MINK1: variants seen among roughly 807,000 people sequenced by gnomAD.
MINK1 encodes the protein misshapen like kinase 1, also known as misshapen-like kinase 1.
In MINK1, 46 loss-of-function variants were observed where a neutral mutation model predicts 178.4. The ratio of observed to expected loss-of-function variants is 0.26; its 90% CI spans 0.20 to 0.33. The LOEUF (loss-of-function observed/expected upper bound fraction) is 0.33. MINK1 is among the 10% of genes least tolerant of loss of function. The pLI is 1.00. For missense variants in MINK1, 1,366 were observed against 1,814.9 expected (o/e 0.75, Z 4.49); for synonymous variants, 797 against 709.7 (o/e 1.12, Z -1.96).
intron 1 of MINK1, among the ~76,000 whole-genome samples, chr17:4,849,201 A>G (rs574699828): frequency 1.3e-5 from 2 of 152,154 alleles, no homozygotes; most frequent in South Asian, 4.1e-4. Context: ...AAAATCTTCT[A>G]TCTGAACACG....
intron 1 of MINK1, among the ~76,000 whole-genome samples, chr17:4,864,253 G>T (rs1478006797): frequency 1.3e-5 from 2 of 150,796 alleles, no homozygotes; most frequent in Non-Finnish European, 3.0e-5. Flanking sequence ...TACAAAATTA[G>T]CCAGGCGTGG....
At chr17:4,869,341 A>G (rs939910802) in intron 1 of MINK1, among the ~76,000 whole-genome samples, 6 of 151,782 alleles carry the variant, frequency 4.0e-5, no homozygotes, top group Middle Eastern at 3.2e-3. Context: ...CAATGGCACG[A>G]TCTCGGCTCA....
chr17:4,853,908 G>A (rs1164622080), intron 1 of MINK1, among the ~76,000 whole-genome samples: 1 of 152,120 alleles, frequency 6.6e-6, no homozygotes, highest in African/African-American at 2.4e-5. Flanking sequence ...TACTCCAGCT[G>A]GGGATAGGAG....
intron 1 of MINK1, among the ~76,000 whole-genome samples, chr17:4,841,290 T>C (rs1024389399): frequency 2.6e-5 from 4 of 152,194 alleles, no homozygotes; most frequent in Non-Finnish European, 5.9e-5. Flanking sequence ...TGATATTCTC[T>C]GGTCTTCTGA....
chr17:4,851,387 A>C (rs986088731), intron 1 of MINK1, among the ~76,000 whole-genome samples: 1 of 152,142 alleles, frequency 6.6e-6, no homozygotes, highest in African/African-American at 2.4e-5. Flanking sequence ...AGTAAACACT[A>C]AGCACCATCA....
rs745836107 is a variant in MINK1 at position 4,892,643 on chromosome 17, G to GC, written c.2199-6dup. ...ACCGTGCCTCCCTGACCCTGACTCTGCCCCCCCAACAGTAACCCCGACCTC... is the reference window on the plus strand; with the variant it reads ...ACCGTGCCTCCCTGACCCTGACTCTGCCCCCCCCAACAGTAACCCCGACCTC... On this transcript the variant is annotated splice_polypyrimidine_tract_variant and intron_variant, in intron 18 of 31. Coordinates refer to ENST00000355280, the MANE Select transcript of MINK1 (RefSeq NM_153827.5). 113 of 1,589,242 alleles carry GC rather than the reference G, an allele frequency of 7.1e-5. 1 individual carries two copies. Among genetic ancestry groups the GC allele is most frequent in the Non-Finnish European group, 8.4e-5 (98 of 1,165,608 alleles).
At position 4,893,456 on chromosome 17, in the gene MINK1, G is replaced by C; in HGVS notation, c.2423G>C (p.Arg808Pro). 6.3e-7 allele frequency: 1 copy of C among 1,593,598 alleles called. No homozygotes were observed. Among genetic ancestry groups the C allele is most frequent in the Non-Finnish European group, 8.6e-7 (1 of 1,163,904 alleles). Residue 808 changes from arginine (R) to proline (P), a missense_variant, in exon 21 of 32, where the codon CGG (arginine) becomes CCG (proline). Transcript: ENST00000355280. ...CAGGACTTTGTGTTGCTGAAAGAGC[G>C]GACTCTGGACGAGGCCCCTCGGCCT... is the stretch of plus-strand genomic sequence containing the variant. Reference protein sequence around the residue: ...RPADFVLLKERTLDEAPRPPK... With the variant: ...RPADFVLLKEPTLDEAPRPPK...
chr17:4,880,295 CTTTTCTTTTTTTT>C (rs1967575752), intron 2 of MINK1, among the ~76,000 whole-genome samples: 1 of 148,546 alleles, frequency 6.7e-6, no homozygotes, highest in Admixed American at 6.7e-5. Context: ...TGCTTTTTTT[CTTTTCTTTTTTTT>C]TTTTTTTGAG....
chr17:4,854,777 A>T, intron 1 of MINK1: 1 of 494,890 alleles, frequency 2.0e-6, no homozygotes, highest in Non-Finnish European at 4.0e-6. Flanking sequence ...ACAGAGGACA[A>T]GTACTTCACG....
At chr17:4,892,556 C>T (rs1392075129) in intron 18 of MINK1, 44 bp downstream of exon 18, 9 of 1,535,584 alleles carry the variant, frequency 5.9e-6, no homozygotes, top group East Asian at 2.3e-5. Context: ...CTCACTTCTG[C>T]CACCCGCTTC....
At position 4,893,616 on chromosome 17, in the gene MINK1, G is replaced by A. The variant is rs1275125675; in HGVS notation, c.2564+19G>A. 1.3e-6 allele frequency: 2 copies of A among 1,516,354 alleles called. No homozygotes were observed. The highest frequency in any genetic ancestry group is 1.4e-5 in the African/African-American group (1 of 71,744). 93.9% of individuals were successfully genotyped at this position (1,516,354 alleles called of 1,614,324 possible). A position where few individuals can be genotyped will look rare whatever the true frequency, so the allele number is the denominator to read the frequency against. The stretch of plus-strand genomic sequence containing the variant: ...GGGGCCGGTACGGCATCGGGAGTGG[G>A]GCCCTCCCACTCCAAGGCACAGGGA... On this transcript the variant is annotated intron_variant, in intron 21 of 31. Transcript: ENST00000355280.
Position 4,895,173 on chromosome 17 carries a change from A to C in MINK1, c.3016A>C (p.Ser1006Arg). The C allele has an allele frequency of 6.2e-7, 1 of 1,614,070 alleles. No homozygotes were observed. The highest frequency in any genetic ancestry group is 8.5e-7 in the Non-Finnish European group (1 of 1,180,006). The change falls in exon 25 of 32, where the codon AGT becomes CGT. Residue 1006 changes from serine to arginine, a missense_variant. By Grantham distance (110) the Ser-to-Arg change is moderately radical. This residue lies in a region of MINK1 where 42 missense variants were observed against 64.0 expected (regional missense o/e 0.66). Coordinates refer to ENST00000355280, the MANE Select transcript of MINK1 (RefSeq NM_153827.5). This position sits in a 1 kb window ranked among gnomAD's most constrained non-coding sequence, Gnocchi z 4.3. ...GAATCCCACCAACACCCGGGCCCAC[A>C]GTGAGACCCCTGAGATCCGGAAGTA... ...NVNPTNTRAHSETPEIRKYKK... is the reference protein window; with the variant it reads ...NVNPTNTRAHRETPEIRKYKK...
chr17:4,897,100 C>A, intron 31 of MINK1, 104 bp from the exon 32 acceptor site: 1 of 1,012,832 alleles, frequency 9.9e-7, no homozygotes, highest in Non-Finnish European at 1.5e-6. Context: ...GTCTCTGTGT[C>A]TCCCTCAACT....
chr17:4,893,866 G>A (rs1969136030), intron 21 of MINK1, 122 bp from the exon 22 acceptor site: 1 of 895,212 alleles, frequency 1.1e-6, no homozygotes, highest in Non-Finnish European at 1.7e-6. Context: ...TACACCGTGA[G>A]GGTGGAGCAG....
intron 1 of MINK1, among the ~76,000 whole-genome samples, chr17:4,871,583 G>A (rs1915863205): frequency 6.6e-6 from 1 of 152,006 alleles, no homozygotes; most frequent in Non-Finnish European, 1.5e-5. Flanking sequence ...TCAGTTGATG[G>A]ATATTTGGGT....
intron 1 of MINK1, among the ~76,000 whole-genome samples, chr17:4,877,048 A>C (rs1467363639): frequency 2.0e-5 from 3 of 150,910 alleles, no homozygotes; most frequent in Admixed American, 1.3e-4. Flanking sequence ...TGATTGTACC[A>C]CTGCATCCAG....
In MINK1 at chr17:4,896,630, G is replaced by GC. The variant is rs113770492; in HGVS notation, c.3776-40dup. The GC allele has an allele frequency of 7.8e-5, 125 of 1,610,654 alleles. 3 individuals are homozygous for GC. In the African/African-American group the frequency reaches 8.3e-4, roughly 11 times the overall value. ...CCTCCCAGCCACATGCCCCGAGGTG[G>GC]CCCCGGGGTGCAGCCTGCTCAGCCC... is the stretch of plus-strand genomic sequence containing the variant. On this transcript the variant is annotated intron_variant, in intron 30 of 31. Transcript: ENST00000355280. This position sits in a 1 kb window ranked among gnomAD's most constrained non-coding sequence, Gnocchi z 4.6.
intron 1 of MINK1, among the ~76,000 whole-genome samples, chr17:4,850,749 G>A (rs1376509056): frequency 1.3e-5 from 2 of 152,292 alleles, no homozygotes; most frequent in East Asian, 1.9e-4. Context: ...GTGGACACCT[G>A]ACTCCCACAG....
intron 1 of MINK1, among the ~76,000 whole-genome samples, chr17:4,845,186 C>T (rs891344640): frequency 2.0e-5 from 3 of 152,130 alleles, no homozygotes; most frequent in Admixed American, 2.0e-4. Flanking sequence ...ACACAACCCC[C>T]CTCCCAGCTC....
Sources: gnomAD v4.1 joint callset for allele counts (sites outside exome capture counted in the v4.1 genomes callset) on GRCh38, gnomAD v4.1.1 for gene constraint, gnomAD v4.1.1 regional missense constraint, Gnocchi (gnomAD v3.1) non-coding constraint, MANE v1.5 for transcripts, NCBI Gene and HGNC (gene_info 2026-07-23, HGNC 2026-07-21) for gene names.